KIRREL3: variants seen among roughly 807,000 people sequenced by gnomAD.
KIRREL3 encodes kirre like nephrin family adhesion molecule 3.
Under a neutral mutation model 89.7 loss-of-function variants are expected in KIRREL3, and 36 were observed. That is an observed-to-expected ratio of 0.40 (90% CI 0.31 to 0.53). The LOEUF (loss-of-function observed/expected upper bound fraction) is 0.53, where lower values mean the gene tolerates loss of function less well. Among genes scored for constraint, KIRREL3 ranks in the 20% least tolerant of loss-of-function variants. The pLI, the probability that KIRREL3 is intolerant of heterozygous loss-of-function variation, is 0.49. For synonymous variants in KIRREL3, 445 were observed against 441.4 expected, an observed-to-expected ratio of 1.01 and a Z score of -0.10; for missense variants, 864 against 1,056.6, an observed-to-expected ratio of 0.82 and a Z score of 2.53.
intron 1 of KIRREL3, among the ~76,000 whole-genome samples, chr11:126,598,869 G>A (rs899525439): frequency 6.6e-6 from 1 of 152,194 alleles, no homozygotes; most frequent in African/African-American, 2.4e-5. Context: ...GACCTGTAGG[G>A]CTCACTCTTA....
rs907786905 is a variant in KIRREL3, at chr11:126,624,800, C to A, written c.56-61888G>T. 2.0e-5 allele frequency among the ~76,000 whole-genome samples: 3 copies of A among 152,188 alleles called. No individual in the cohort carries two copies. The highest frequency in any genetic ancestry group is 4.4e-5 in the Non-Finnish European group (3 of 68,044). On this transcript the variant is annotated intron_variant, in intron 1 of 16. Transcript: ENST00000525144. The surrounding 1 kb of genome is among the most constrained non-coding windows in gnomAD (Gnocchi z 6.0). Reference sequence around the variant, plus strand: ...CTCCAGATGCTTGACTTGAGGCCAACTACGGAGGGCAGAGCTGATGGAAGG... The same window carrying A: ...CTCCAGATGCTTGACTTGAGGCCAAATACGGAGGGCAGAGCTGATGGAAGG...
chr11:126,533,668 C>T (rs1959009261), intron 2 of KIRREL3, among the ~76,000 whole-genome samples: 1 of 152,182 alleles, frequency 6.6e-6, no homozygotes, highest in African/African-American at 2.4e-5. Context: ...ACTGGACAAG[C>T]CCCTTGGGAT....
intron 1 of KIRREL3, among the ~76,000 whole-genome samples, chr11:126,986,841 C>G (rs542485801): frequency 6.6e-6 from 1 of 152,314 alleles, no homozygotes; most frequent in South Asian, 2.1e-4. Flanking sequence ...ACTTTCGACT[C>G]CCTTGTAGAC....
At chr11:126,457,714 G>A (rs1956417992) in intron 6 of KIRREL3, among the ~76,000 whole-genome samples, 1 of 152,188 alleles carries the variant, frequency 6.6e-6, no homozygotes, top group Admixed American at 6.5e-5. Context: ...TGCAGAGACT[G>A]TGAATCAGAC....
At chr11:126,509,080 G>A (rs1351279837) in intron 4 of KIRREL3, among the ~76,000 whole-genome samples, 6 of 152,208 alleles carry the variant, frequency 3.9e-5, no homozygotes, top group Non-Finnish European at 4.4e-5. Context: ...TCCAGTCCCT[G>A]TCTTTCCTAG....
chr11:126,811,107 G>A lies in KIRREL3; in HGVS notation c.55+189348C>T, dbSNP rs896685826. 6.6e-6 allele frequency among the ~76,000 whole-genome samples: 1 copy of A among 152,166 alleles called. No individual in the cohort carries two copies. Among genetic ancestry groups the A allele is most frequent in the Non-Finnish European group, 1.5e-5 (1 of 68,022 alleles). On this transcript the variant is annotated intron_variant, in intron 1 of 16. Coordinates refer to ENST00000525144, the MANE Select transcript of KIRREL3 (RefSeq NM_032531.4). This position sits in a 1 kb window ranked among gnomAD's most constrained non-coding sequence, Gnocchi z 4.3. ...GCCCTGCTGAGGGCCAAATAGGAGT[G>A]TTGACATCCCCTTCTAAGCTCCCGC...
At chr11:126,832,763 T>A (rs1390593804) in intron 1 of KIRREL3, among the ~76,000 whole-genome samples, 1 of 152,202 alleles carries the variant, frequency 6.6e-6, no homozygotes, top group African/African-American at 2.4e-5. Flanking sequence ...AGGCAGCAAC[T>A]GGAGAAATAG....
At position 126,997,667 on chromosome 11, in the gene KIRREL3, G is replaced by A. The variant is rs1312672942; in HGVS notation, c.55+2788C>T. ...AACATTTGACAAATTAGGAAGAAAA[G>A]GATGGCTGGAACGGACTTTAAGAGT... On this transcript the variant is annotated intron_variant, in intron 1 of 16. Transcript: ENST00000525144. The surrounding 1 kb of genome is among the most constrained non-coding windows in gnomAD (Gnocchi z 4.3). Among the ~76,000 whole-genome samples the A allele has an allele frequency of 1.3e-5, 2 of 152,186 alleles. No homozygotes were observed. Among genetic ancestry groups the A allele is most frequent in the African/African-American group, 4.8e-5 (2 of 41,448 alleles).
chr11:126,440,448 C>G lies in KIRREL3; in HGVS notation c.1353+1G>C, dbSNP rs1220839658. On this transcript the variant is annotated splice_donor_variant, in intron 11 of 16. Coordinates refer to ENST00000525144, the MANE Select transcript of KIRREL3 (RefSeq NM_032531.4). LOFTEE classifies it high-confidence loss of function. ...CCGCCCGCCGTCCCTGGAGCACTCA[C>G]GATGCGGTCCGGCGGCGGCGTGCTC... 1 of 1,568,410 alleles carries G rather than the reference C, an allele frequency of 6.4e-7. No homozygotes were observed. The highest frequency in any genetic ancestry group is 1.2e-5 in the South Asian group (1 of 85,168).
At position 126,530,145 on chromosome 11, in the gene KIRREL3, G is replaced by C. The variant is rs1958898291; in HGVS notation, c.134-3458C>G. The stretch of plus-strand genomic sequence containing the variant: ...CTGTCGCCCAGGCTGGAGTTCAGTG[G>C]GGCAATCTTGGCTCACTGCAACCTT... On this transcript the variant is annotated intron_variant, in intron 2 of 16. Coordinates refer to ENST00000525144, the MANE Select transcript of KIRREL3 (RefSeq NM_032531.4). The surrounding 1 kb of genome is among the most constrained non-coding windows in gnomAD (Gnocchi z 5.8). 6.6e-6 allele frequency among the ~76,000 whole-genome samples: 1 copy of C among 152,054 alleles called. No individual in the cohort carries two copies. Among genetic ancestry groups the C allele is most frequent in the East Asian group, 1.9e-4 (1 of 5,178 alleles).
chr11:126,548,794 G>T (rs1363909735), intron 2 of KIRREL3, among the ~76,000 whole-genome samples: 1 of 152,188 alleles, frequency 6.6e-6, no homozygotes, highest in Non-Finnish European at 1.5e-5. Flanking sequence ...TAGGAACAGC[G>T]CAGGGGTGAC....
rs145257146 is a variant in KIRREL3, at chr11:126,840,550, C to T, written c.55+159905G>A. Among the ~76,000 whole-genome samples the T allele has an allele frequency of 8.3e-4, 126 of 152,324 alleles. 1 individual carries two copies. Among genetic ancestry groups the T allele is most frequent in the African/African-American group, 2.9e-3 (122 of 41,580 alleles). ...TAGTCCCCCTTCATCCAAGGTTTCA[C>T]GCTCCGATTTCAGTTCTCTCACAAC... On this transcript the variant is annotated intron_variant, in intron 1 of 16. Coordinates refer to ENST00000525144, the MANE Select transcript of KIRREL3 (RefSeq NM_032531.4).
In KIRREL3 at chr11:126,484,689, C is replaced by T. The variant is rs1006254584; in HGVS notation, c.434-11223G>A. Reference sequence around the variant, plus strand: ...GGAATCCTGTATTTTATCTGGCAATCCTGTAGATGTGTTAATTACATATAT... The same window carrying T: ...GGAATCCTGTATTTTATCTGGCAATTCTGTAGATGTGTTAATTACATATAT... On this transcript the variant is annotated intron_variant, in intron 4 of 16. Coordinates refer to ENST00000525144, the MANE Select transcript of KIRREL3 (RefSeq NM_032531.4). This position sits in a 1 kb window ranked among gnomAD's most constrained non-coding sequence, Gnocchi z 5.2. Among the ~76,000 whole-genome samples the T allele has an allele frequency of 6.6e-6, 1 of 152,174 alleles. No individual in the cohort carries two copies. The highest frequency in any genetic ancestry group is 2.4e-5 in the African/African-American group (1 of 41,426).
rs1245365675 is a variant in KIRREL3 at position 126,612,624 on chromosome 11, A to G, written c.56-49712T>C. Among the ~76,000 whole-genome samples, 2 of 152,188 alleles carry G rather than the reference A, an allele frequency of 1.3e-5. No homozygotes were observed. Among genetic ancestry groups the G allele is most frequent in the African/African-American group, 4.8e-5 (2 of 41,452 alleles). On this transcript the variant is annotated intron_variant, in intron 1 of 16. Coordinates refer to ENST00000525144, the MANE Select transcript of KIRREL3 (RefSeq NM_032531.4). This position sits in a 1 kb window ranked among gnomAD's most constrained non-coding sequence, Gnocchi z 4.5. ...CATGACCTCATTTTGGAACAATTTC[A>G]TCGCCCCCAAAATAAACCCCACACC...
In KIRREL3 at chr11:126,750,541, TG is replaced by T. The variant is rs1237085597; in HGVS notation, c.56-187630del. Among the ~76,000 whole-genome samples the T allele has an allele frequency of 6.6e-6, 1 of 152,210 alleles. No individual in the cohort carries two copies. Among genetic ancestry groups the T allele is most frequent in the African/African-American group, 2.4e-5 (1 of 41,458 alleles). On this transcript the variant is annotated intron_variant, in intron 1 of 16. Transcript: ENST00000525144. The surrounding 1 kb of genome is among the most constrained non-coding windows in gnomAD (Gnocchi z 4.2). ...GCAGCTAGGCTTTTCTTAGGGCAAC[TG>T]GGCTGGGCCAGGGTCACTAGCCTGA...
chr11:126,850,164 C>G (rs957285875), intron 1 of KIRREL3, among the ~76,000 whole-genome samples: 1 of 152,214 alleles, frequency 6.6e-6, no homozygotes. Context: ...GCGGAGACAA[C>G]AGCTCCCATC....
intron 1 of KIRREL3, among the ~76,000 whole-genome samples, chr11:126,590,939 C>T (rs1033458151): frequency 1.3e-5 from 2 of 152,232 alleles, no homozygotes; most frequent in East Asian, 1.9e-4. Context: ...AGAAAGTGAT[C>T]TGGCTGGGTG....
At chr11:126,880,236 C>G (rs1281351132) in intron 1 of KIRREL3, among the ~76,000 whole-genome samples, 1 of 152,176 alleles carries the variant, frequency 6.6e-6, no homozygotes, top group Non-Finnish European at 1.5e-5. Context: ...ACCACAAAAG[C>G]AATTTCTAGT....
intron 1 of KIRREL3, among the ~76,000 whole-genome samples, chr11:126,751,978 C>T (rs143309850): frequency 2.0e-5 from 3 of 152,300 alleles, no homozygotes; most frequent in South Asian, 2.1e-4. Context: ...GCTGGGATTA[C>T]AGGCATGAGC....
Sources: gnomAD v4.1 joint callset for allele counts (sites outside exome capture counted in the v4.1 genomes callset) on GRCh38, gnomAD v4.1.1 for gene constraint, Gnocchi (gnomAD v3.1) non-coding constraint, MANE v1.5 for transcripts, NCBI Gene and HGNC (gene_info 2026-07-23, HGNC 2026-07-21) for gene names.